DPP10: variants seen among roughly 807,000 people sequenced by gnomAD.
DPP10 encodes the protein dipeptidyl peptidase like 10, also known as inactive dipeptidyl peptidase 10.
A neutral mutation model predicts 120.9 loss-of-function variants in DPP10; 33 were observed. That is an observed-to-expected ratio of 0.27 (90% CI 0.21 to 0.37). The LOEUF is 0.37. Ranked by LOEUF, DPP10 falls within the 10% of genes least tolerant of loss-of-function variation. The pLI is 1.00. For missense variants in DPP10, 816 were observed against 942.8 expected (o/e 0.87, Z 1.76); for synonymous variants, 337 against 326.1 (o/e 1.03, Z -0.36).
At chr2:115,794,413 T>A (rs368729283) in intron 19 of DPP10, among the ~76,000 whole-genome samples, 24 of 152,334 alleles carry the variant, frequency 1.6e-4, no homozygotes, top group East Asian at 1.2e-3. Flanking sequence ...TCAAAAGAAA[T>A]GGTCCTCTGA....
In DPP10 at chr2:115,540,129, C is replaced by G. The variant is rs182310150; in HGVS notation, c.441+14157C>G. Among the ~76,000 whole-genome samples, 1,120 of 151,846 alleles carry G rather than the reference C, an allele frequency of 7.4e-3. 6 individuals carry two copies. Among genetic ancestry groups the G allele is most frequent in the African/African-American group, 0.025 (1,026 of 41,508 alleles). ...TGAGGTCAACACAGTTTTAAAAGAC[C>G]TTGGCCAGAAAATGACCAAGGCTTT... On this transcript the variant is annotated intron_variant, in intron 5 of 25. Transcript: ENST00000410059.
chr2:115,585,638 C>T (rs1219835094), intron 5 of DPP10, among the ~76,000 whole-genome samples: 3 of 152,154 alleles, frequency 2.0e-5, no homozygotes, highest in Non-Finnish European at 2.9e-5. Context: ...AGCTTGTCCA[C>T]AGTTATGTGA....
intron 1 of DPP10, among the ~76,000 whole-genome samples, chr2:114,450,344 C>T (rs1678192377): frequency 6.6e-6 from 1 of 152,078 alleles, no homozygotes; most frequent in South Asian, 2.1e-4. Context: ...GTCTTCTGTA[C>T]CTCTTTAATA....
chr2:115,792,324 A>G (rs769421773), intron 19 of DPP10, among the ~76,000 whole-genome samples: 2 of 152,150 alleles, frequency 1.3e-5, no homozygotes, highest in Non-Finnish European at 2.9e-5. Context: ...TGCCTAACAC[A>G]TATGATTCTT....
chr2:115,286,526 A>ATATATATATAAT (rs10675008), intron 1 of DPP10, among the ~76,000 whole-genome samples: 1 of 60,946 alleles, frequency 1.6e-5, no homozygotes, highest in African/African-American at 5.4e-5. Context: ...ATATATATAT[A>ATATATATATAAT]ATATATATAT....
intron 21 of DPP10, among the ~76,000 whole-genome samples, chr2:115,821,785 C>T (rs555713583): frequency 7.9e-5 from 12 of 151,994 alleles, no homozygotes; most frequent in South Asian, 6.2e-4. Context: ...CATTCACCTA[C>T]GGATGAACAT....
At chr2:115,471,588 C>G (rs1336356578) in intron 3 of DPP10, among the ~76,000 whole-genome samples, 3 of 36,078 alleles carry the variant, frequency 8.3e-5, no homozygotes, top group African/African-American at 1.8e-4. Flanking sequence ...CTTTTTCTCT[C>G]TTTTATTTTT....
intron 1 of DPP10, among the ~76,000 whole-genome samples, chr2:114,963,443 G>C (rs149277712): frequency 1.3e-5 from 2 of 152,126 alleles, no homozygotes; most frequent in Non-Finnish European, 2.9e-5. Context: ...AAATAACATC[G>C]ATTCGGTAGT....
intron 3 of DPP10, among the ~76,000 whole-genome samples, chr2:115,414,091 CA>C (rs1339782315): frequency 2.6e-5 from 4 of 152,082 alleles, no homozygotes; most frequent in Non-Finnish European, 5.9e-5. Context: ...TGATTCATGC[CA>C]GGTTTGTCTA....
chr2:115,446,519 C>T (rs145048834), intron 3 of DPP10, among the ~76,000 whole-genome samples: 25 of 152,198 alleles, frequency 1.6e-4, no homozygotes, highest in African/African-American at 4.3e-4. Context: ...GACTTCTGAC[C>T]GATTTCAGTC....
At chr2:115,033,893 CTT>C (rs965717193) in intron 1 of DPP10, among the ~76,000 whole-genome samples, 27 of 89,852 alleles carry the variant, frequency 3.0e-4, no homozygotes, top group African/African-American at 1.0e-3. Context: ...TTTTCTTTTT[CTT>C]TTTTTTTTTT....
intron 1 of DPP10, among the ~76,000 whole-genome samples, chr2:115,071,866 AT>A (rs928407556): frequency 1.9e-4 from 28 of 151,124 alleles, no homozygotes; most frequent in African/African-American, 6.6e-4. Flanking sequence ...AGTTTCCATT[AT>A]TTTTTTTTCA....
chr2:115,321,877 A>G (rs543810310), intron 2 of DPP10, among the ~76,000 whole-genome samples: 1 of 152,206 alleles, frequency 6.6e-6, no homozygotes, highest in Admixed American at 6.5e-5. Flanking sequence ...CTGTGCATGT[A>G]TGTGTTTAAT....
chr2:115,048,980 T>C (rs1559034138), intron 1 of DPP10, among the ~76,000 whole-genome samples: 1 of 152,178 alleles, frequency 6.6e-6, no homozygotes, highest in Non-Finnish European at 1.5e-5. Flanking sequence ...CAGAGGGCTA[T>C]GTTTTCCCAT....
intron 21 of DPP10, among the ~76,000 whole-genome samples, chr2:115,833,149 AAT>A (rs1689104226): frequency 6.6e-6 from 1 of 152,194 alleles, no homozygotes; most frequent in South Asian, 2.1e-4. Flanking sequence ...AGATAAATAA[AAT>A]AAAACAAACC....
chr2:115,616,883 T>C (rs1007440430), intron 5 of DPP10, among the ~76,000 whole-genome samples: 6 of 152,048 alleles, frequency 3.9e-5, no homozygotes, highest in Non-Finnish European at 7.4e-5. Context: ...CAGTGTAGAC[T>C]GCTCTATGTT....
chr2:115,331,957 T>G (rs2062773569), intron 2 of DPP10, among the ~76,000 whole-genome samples: 1 of 152,122 alleles, frequency 6.6e-6, no homozygotes, highest in South Asian at 2.1e-4. Context: ...TTAGGGAGGA[T>G]TCTCTCTTTT....
At chr2:114,444,734 T>A (rs1677845614) in intron 1 of DPP10, among the ~76,000 whole-genome samples, 1 of 152,222 alleles carries the variant, frequency 6.6e-6, no homozygotes, top group South Asian at 2.1e-4. Flanking sequence ...AATGGCTTAA[T>A]GAAGGAATCT....
intron 3 of DPP10, among the ~76,000 whole-genome samples, chr2:115,414,549 T>C (rs1170461215): frequency 6.6e-6 from 1 of 152,206 alleles, no homozygotes; most frequent in African/African-American, 2.4e-5. Flanking sequence ...AGTGTATATT[T>C]TTATGAAACT....
Sources: gnomAD v4.1 joint callset for allele counts (sites outside exome capture counted in the v4.1 genomes callset) on GRCh38, gnomAD v4.1.1 for gene constraint, MANE v1.5 for transcripts, NCBI Gene and HGNC (gene_info 2026-07-23, HGNC 2026-07-21) for gene names.